The following TPI1 variants were observed in gnomAD, a reference collection of about 807,000 sequenced individuals.
TPI1 encodes the protein triosephosphate isomerase 1, also known as triosephosphate isomerase.
Under a neutral mutation model 31.0 loss-of-function variants are expected in TPI1, and 11 were observed. That is an observed-to-expected ratio of 0.36 (90% CI 0.22 to 0.59). TPI1 has a LOEUF of 0.59. Ranked by LOEUF, TPI1 falls within the 20% of genes least tolerant of loss-of-function variation. The probability of loss-of-function intolerance (pLI) is 0.79; values close to 1 mark genes in which losing one functional copy is unlikely to be tolerated. For synonymous variants in TPI1, 121 were observed against 122.8 expected (o/e 0.99, Z 0.10); for missense variants, 245 against 319.7 (o/e 0.77, Z 1.78).
At chr12:6,867,812 G>T (rs1403319490) in intron 1 of TPI1, 131 bp downstream of exon 1, 3 of 1,024,948 alleles carry the variant, frequency 2.9e-6, no homozygotes, top group African/African-American at 1.7e-5. Context: ...GCTGTGGGAC[G>T]AGGGCCGCTG....
In TPI1 at chr12:6,869,189, T is replaced by C. The variant is rs782316890; in HGVS notation, c.324+6T>C. 6.2e-7 allele frequency: 1 copy of C among 1,614,110 alleles called. No individual in the cohort carries two copies. Among genetic ancestry groups the C allele is most frequent in the Admixed American group, 1.7e-5 (1 of 60,016 alleles). On this transcript the variant is annotated splice_donor_region_variant and intron_variant, in intron 3 of 6. Coordinates refer to ENST00000396705, the MANE Select transcript of TPI1 (RefSeq NM_000365.6). ...TCTTTGGGGAGTCAGATGAGGTTAG[T>C]AGCCAAGAGAGAAGATAAGGGATGT...
chr12:6,869,819 A>G, intron 5 of TPI1, 46 bp downstream of exon 5: 1 of 1,601,628 alleles, frequency 6.2e-7, no homozygotes, highest in Non-Finnish European at 8.6e-7. Flanking sequence ...CTGCCTCAAT[A>G]GGTTTGGACA....
intron 5 of TPI1, 60 bp from the exon 6 acceptor site, chr12:6,869,989 A>T: frequency 1.9e-6 from 3 of 1,576,938 alleles, no homozygotes; most frequent in Non-Finnish European, 2.6e-6. Flanking sequence ...CACTGGTGCC[A>T]GTGATTTTTC....
In TPI1 at chr12:6,868,170, T is replaced by A. The variant is rs1555131803; in HGVS notation, c.115+489T>A. 7.8e-6 allele frequency: 10 copies of A among 1,287,910 alleles called. No homozygotes were observed. The East Asian group carries it at 5.6e-4, about 72-fold the overall frequency. The allele number at this position is 1,287,910 out of a possible 1,614,324, so 79.8% of individuals were successfully genotyped here. Reference sequence around the variant, plus strand: ...GCTCGGGCTCCCTGAGCCCCAGATCTGACCCCTTCCCTTCGGCAACCTGAA... The same window carrying A: ...GCTCGGGCTCCCTGAGCCCCAGATCAGACCCCTTCCCTTCGGCAACCTGAA... On this transcript the variant is annotated intron_variant, in intron 1 of 6. Coordinates refer to ENST00000396705, the MANE Select transcript of TPI1 (RefSeq NM_000365.6).
intron 5 of TPI1, 24 bp downstream of exon 5, chr12:6,869,797 C>T: frequency 6.2e-7 from 1 of 1,612,994 alleles, no homozygotes; most frequent in Non-Finnish European, 8.5e-7. Context: ...GGAGCCCTGC[C>T]CTCATCCCAG....
chr12:6,870,589 G>T lies in TPI1; in HGVS notation c.*206G>T. ...CAATCCCTTCTCCACTTACTATAAT[G>T]GTTGGAACTAAACGTCACCAAGGTG... On this transcript the variant is annotated 3_prime_UTR_variant, in exon 7 of 7. Coordinates refer to ENST00000396705, the MANE Select transcript of TPI1 (RefSeq NM_000365.6). The T allele has an allele frequency of 2.7e-6, 2 of 739,606 alleles. No homozygotes were observed. Among genetic ancestry groups the T allele is most frequent in the Non-Finnish European group, 5.0e-6 (2 of 399,260 alleles). 45.8% of individuals were successfully genotyped at this position (739,606 alleles called of 1,614,324 possible). A position where few individuals can be genotyped will look rare whatever the true frequency, so the allele number is the denominator to read the frequency against.
chr12:6,870,400 C>T lies in TPI1; in HGVS notation c.*17C>T. 6.3e-7 allele frequency: 1 copy of T among 1,585,438 alleles called. No homozygotes were observed. Among genetic ancestry groups the T allele is most frequent in the Non-Finnish European group, 8.7e-7 (1 of 1,154,902 alleles). On this transcript the variant is annotated 3_prime_UTR_variant, in exon 7 of 7. Transcript: ENST00000396705. ...AAACAATGAGCCCCATCCATCTTCCCTACCCTTCCTGCCAAGCCAGGGACT... is the reference window on the plus strand; with the variant it reads ...AAACAATGAGCCCCATCCATCTTCCTTACCCTTCCTGCCAAGCCAGGGACT...
intron 1 of TPI1, 135 bp from the exon 2 acceptor site, chr12:6,868,729 C>T: frequency 4.9e-6 from 7 of 1,441,956 alleles, no homozygotes; most frequent in Non-Finnish European, 6.6e-6. Context: ...GGTCATCTTG[C>T]TGGGGTGAAA....
intron 1 of TPI1, chr12:6,868,394 C>T: frequency 7.8e-7 from 1 of 1,288,352 alleles, no homozygotes; most frequent in Non-Finnish European, 1.0e-6. Flanking sequence ...ATCGGAGAGC[C>T]GCGGGCCTGA....
intron 1 of TPI1, 146 bp from the exon 2 acceptor site, chr12:6,868,718 A>T (rs1394387823): frequency 7.0e-7 from 1 of 1,426,528 alleles, no homozygotes; most frequent in African/African-American, 1.4e-5. Context: ...AAATGGACAA[A>T]GGTCATCTTG....
chr12:6,869,037 C>G (rs201628769), intron 2 of TPI1, 50 bp downstream of exon 2: 5 of 1,614,076 alleles, frequency 3.1e-6, no homozygotes, highest in Non-Finnish European at 4.2e-6. Context: ...TCACTTTCCT[C>G]GTTGAGGGGA....
chr12:6,868,873 G>A lies in TPI1; in HGVS notation c.125G>A (p.Cys42Tyr), dbSNP rs121964848. ...AKVPADTEVV[C>Y]APPTAYIDFA... Reference sequence around the variant, plus strand: ...ACCATCTTGTCCTCAGAGGTGGTTTGTGCTCCCCCTACTGCCTATATCGAC... The same window carrying A: ...ACCATCTTGTCCTCAGAGGTGGTTTATGCTCCCCCTACTGCCTATATCGAC... Residue 42 changes from cysteine to tyrosine, a missense_variant, in exon 2 of 7, where the codon TGT becomes TAT. By Grantham distance (194) the Cys-to-Tyr change is radical. This residue lies in a region of TPI1 where 95 missense variants were observed against 96.4 expected (regional missense o/e 0.99). Coordinates refer to ENST00000396705, the MANE Select transcript of TPI1 (RefSeq NM_000365.6). 2.5e-5 allele frequency: 40 copies of A among 1,613,014 alleles called. No individual in the cohort carries two copies. The highest frequency in any genetic ancestry group is 3.4e-5 in the Non-Finnish European group (40 of 1,179,800).
rs138131191 is a variant in TPI1, at chr12:6,869,299, C to T, written c.366C>T (p.Leu122=). Residue 122 remains leucine, a synonymous_variant, in exon 4 of 7, where the codon CTC becomes CTT. Coordinates refer to ENST00000396705, the MANE Select transcript of TPI1 (RefSeq NM_000365.6). The part of the protein sequence containing the change: ...QKVAHALAEG[L]GVIACIGEKL... ...TGGCCCATGCTCTGGCAGAGGGACT[C>T]GGAGTAATCGCCTGCATTGGGGAGA... 1,896 of 1,613,980 alleles carry T rather than the reference C, an allele frequency of 1.2e-3. No individual in the cohort carries two copies. The highest frequency in any genetic ancestry group is 1.5e-3 in the Non-Finnish European group (1,823 of 1,179,926).
At position 6,870,046 on chromosome 12, in the gene TPI1, T is replaced by G; in HGVS notation, c.544-3T>G. 1 of 1,606,186 alleles carries G rather than the reference T, an allele frequency of 6.2e-7. No individual in the cohort carries two copies. The highest frequency in any genetic ancestry group is 1.1e-5 in the South Asian group (1 of 91,056). ...TCTTACTTAGGCCAGCTTCTTGTTC[T>G]AGGCCCAGGAAGTACACGAGAAGCT... On this transcript the variant is annotated splice_region_variant and splice_polypyrimidine_tract_variant and intron_variant, in intron 5 of 6. Transcript: ENST00000396705.
At chr12:6,868,832 C>T (rs1944515271) in intron 1 of TPI1, 32 bp from the exon 2 acceptor site, 3 of 1,603,768 alleles carry the variant, frequency 1.9e-6, no homozygotes, top group South Asian at 1.1e-5. Flanking sequence ...TTTCTTTAGT[C>T]TCATCCCCCT....
intron 1 of TPI1, 88 bp from the exon 2 acceptor site, chr12:6,868,776 C>T: frequency 1.3e-6 from 2 of 1,536,010 alleles, no homozygotes; most frequent in Non-Finnish European, 1.8e-6. Flanking sequence ...AGGGTGAGGG[C>T]TGGGGGGCTC....
At position 6,868,905 on chromosome 12, in the gene TPI1, C is replaced by T. The variant is rs1320909915; in HGVS notation, c.157C>T (p.Arg53Trp). 1.7e-5 allele frequency: 28 copies of T among 1,613,870 alleles called. No individual in the cohort carries two copies. The highest frequency in any genetic ancestry group is 2.7e-5 in the African/African-American group (2 of 74,916). ...CCCTACTGCCTATATCGACTTCGCC[C>T]GGCAGAAGCTAGATCCCAAGATTGC... ...APPTAYIDFARQKLDPKIAVA... is the reference protein window; with the variant it reads ...APPTAYIDFAWQKLDPKIAVA... The change falls in exon 2 of 7, where the codon CGG becomes TGG. Residue 53 changes from arginine to tryptophan, a missense_variant. Arg to Trp is a moderately radical substitution (Grantham distance 101). Around this residue, in one of 3 missense-constraint regions of TPI1, gnomAD observed 95 missense variants for 96.4 expected, o/e 0.99. Coordinates refer to ENST00000396705, the MANE Select transcript of TPI1 (RefSeq NM_000365.6).
At chr12:6,870,170 G>A (rs1555132541) in intron 6 of TPI1, 34 bp downstream of exon 6, 1 of 1,606,526 alleles carries the variant, frequency 6.2e-7, no homozygotes, top group East Asian at 2.2e-5. Flanking sequence ...GAGGTGGAGT[G>A]GGCTGAGGAC....
chr12:6,869,510 G>C, intron 4 of TPI1, 120 bp downstream of exon 4: 1 of 1,543,942 alleles, frequency 6.5e-7, no homozygotes, highest in Non-Finnish European at 8.9e-7. Flanking sequence ...AAAGGGGAGG[G>C]GGAGTGACAA....
Sources: allele counts gnomAD v4.1 joint callset, GRCh38; gene constraint gnomAD v4.1.1; regional missense constraint gnomAD v4.1.1; transcripts MANE v1.5; gene names NCBI Gene and HGNC (gene_info 2026-07-23, HGNC 2026-07-21).